NSD1: variants seen among roughly 807,000 people sequenced by gnomAD.
NSD1 encodes nuclear receptor binding SET domain protein 1.
NSD1 carries 26 observed loss-of-function variants against 242.7 expected under a neutral mutation model. The observed-to-expected ratio is 0.11, with a 90% CI of 0.08 to 0.15. The LOEUF (loss-of-function observed/expected upper bound fraction) is 0.15. Among genes scored for constraint, NSD1 ranks in the 10% least tolerant of loss-of-function variants. The probability of loss-of-function intolerance (pLI) is 1.00; values close to 1 mark genes in which losing one functional copy is unlikely to be tolerated. For synonymous variants in NSD1, 1,106 were observed against 1,178.1 expected (o/e 0.94, Z 1.25); for missense variants, 2,495 against 3,272.8 (o/e 0.76, Z 5.80).
chr5:177,181,339 C>T (rs1760652587), intron 2 of NSD1, among the ~76,000 whole-genome samples: 1 of 150,992 alleles, frequency 6.6e-6, no homozygotes, highest in Non-Finnish European at 1.5e-5. Flanking sequence ...AAAATACTAT[C>T]AAATGGCATT....
chr5:177,265,572 A>C, intron 14 of NSD1: 1 of 1,184,738 alleles, frequency 8.4e-7, no homozygotes, highest in Non-Finnish European at 1.3e-6. Context: ...GCCGGGCCTC[A>C]GCACATCCTG....
rs551095359 is a variant in NSD1 at position 177,289,988 on chromosome 5, C to T, written c.6258+1063C>T. On this transcript the variant is annotated intron_variant, in intron 21 of 22. Transcript: ENST00000439151. ...AACTACAGGCGCCCGCCACCATGCC[C>T]GGCTAATTTTTTATATTTTTAGTAG... 6.6e-5 allele frequency among the ~76,000 whole-genome samples: 10 copies of T among 151,530 alleles called. 1 individual carries two copies. Among genetic ancestry groups the T allele is most frequent in the African/African-American group, 1.7e-4 (7 of 41,284 alleles).
chr5:177,138,987 C>T (rs1193761669), intron 2 of NSD1, among the ~76,000 whole-genome samples: 80 of 149,934 alleles, frequency 5.3e-4, no homozygotes, highest in African/African-American at 1.9e-3. Flanking sequence ...TGGTGGCTCA[C>T]GCCTGTAATC....
At chr5:177,185,612 A>G (rs375270644) in intron 2 of NSD1, among the ~76,000 whole-genome samples, 5 of 140,824 alleles carry the variant, frequency 3.6e-5, no homozygotes, top group African/African-American at 1.3e-4. Context: ...AACAAAACCA[A>G]ATATATATTT....
chr5:177,157,933 A>G (rs981354968), intron 2 of NSD1, among the ~76,000 whole-genome samples: 1 of 152,204 alleles, frequency 6.6e-6, no homozygotes, highest in African/African-American at 2.4e-5. Flanking sequence ...GTATGTATGC[A>G]TACTTCATTC....
chr5:177,219,787 C>T (rs1321480626), intron 5 of NSD1, among the ~76,000 whole-genome samples: 1 of 152,080 alleles, frequency 6.6e-6, no homozygotes, highest in East Asian at 1.9e-4. Context: ...CATGGCAAAA[C>T]CCCATCTCCA....
Position 177,211,603 on chromosome 5 carries a change from G to T in NSD1, c.3204G>T (p.Leu1068=), listed in dbSNP as rs1429709372. 1.9e-6 allele frequency: 3 copies of T among 1,614,120 alleles called. No homozygotes were observed. The highest frequency in any genetic ancestry group is 8.5e-7 in the Non-Finnish European group (1 of 1,180,020). Residue 1068 remains leucine, a synonymous_variant, in exon 5 of 23, where the codon CTG becomes CTT. Transcript: ENST00000439151. The part of the protein sequence containing the change: ...QLPSVTLDAV[L]QGDRERGGSL... Reference sequence around the variant, plus strand: ...CAAGTGTGACTCTTGATGCTGTACTGCAGGGAGACCGAGAACGTGGAGGTT... The same window carrying T: ...CAAGTGTGACTCTTGATGCTGTACTTCAGGGAGACCGAGAACGTGGAGGTT...
At chr5:177,278,613 A>G (rs1384534308) in intron 17 of NSD1, among the ~76,000 whole-genome samples, 1 of 152,228 alleles carries the variant, frequency 6.6e-6, no homozygotes, top group Non-Finnish European at 1.5e-5. Flanking sequence ...TATGAGAGAA[A>G]CAATCATAAG....
chr5:177,198,609 C>T (rs1762278829), intron 3 of NSD1, among the ~76,000 whole-genome samples: 1 of 152,044 alleles, frequency 6.6e-6, no homozygotes, highest in Admixed American at 6.6e-5. Flanking sequence ...ACTCCAAAGG[C>T]CTCACCTGTA....
rs760180574 is a variant in NSD1, at chr5:177,260,072, T to A, written c.5050T>A (p.Ser1684Thr). 1 of 1,614,186 alleles carries A rather than the reference T, an allele frequency of 6.2e-7. No individual in the cohort carries two copies. The highest frequency in any genetic ancestry group is 1.7e-5 in the Admixed American group (1 of 60,014). Residue 1684 changes from serine (S) to threonine (T), a missense_variant, in exon 14 of 23, where the codon TCT (serine) becomes ACT (threonine). Ser to Thr is a moderately conservative substitution (Grantham distance 58). This residue lies in a region of NSD1 where 31 missense variants were observed against 120.2 expected (regional missense o/e 0.26). Transcript: ENST00000439151. ...CLAAGSKILA[S>T]NSIICPNHFT... Reference sequence around the variant, plus strand: ...GGCTGCTGGGTCAAAGATCCTTGCATCTAATAGTATCATCTGCCCTAATCA... The same window carrying A: ...GGCTGCTGGGTCAAAGATCCTTGCAACTAATAGTATCATCTGCCCTAATCA...
At position 177,294,953 on chromosome 5, in the gene NSD1, G is replaced by A; in HGVS notation, c.7585G>A (p.Ala2529Thr). The A allele has an allele frequency of 6.2e-7, 1 of 1,614,224 alleles. No homozygotes were observed. The highest frequency in any genetic ancestry group is 8.5e-7 in the Non-Finnish European group (1 of 1,180,040). Reference protein sequence around the residue: ...AAAPSEDPWQAVKSLTQARLL... With the variant: ...AAAPSEDPWQTVKSLTQARLL... The stretch of plus-strand genomic sequence containing the variant: ...AGCCCCTTCAGAGGACCCCTGGCAA[G>A]CTGTTAAATCACTCACCCAGGCCAG... The change falls in exon 23 of 23, where the codon GCT becomes ACT. Residue 2529 changes from alanine to threonine, a missense_variant. Ala to Thr is a moderately conservative substitution (Grantham distance 58). Coordinates refer to ENST00000439151, the MANE Select transcript of NSD1 (RefSeq NM_022455.5).
intron 2 of NSD1, among the ~76,000 whole-genome samples, chr5:177,158,957 T>TATATACACACAC (rs1194653556): frequency 1.4e-5 from 2 of 143,526 alleles, no homozygotes; most frequent in Non-Finnish European, 1.5e-5. Flanking sequence ...CACACATATA[T>TATATACACACAC]ATATACACAC....
At chr5:177,148,199 C>T (rs1163237411) in intron 2 of NSD1, among the ~76,000 whole-genome samples, 1 of 151,938 alleles carries the variant, frequency 6.6e-6, no homozygotes, top group Non-Finnish European at 1.5e-5. Flanking sequence ...CTCGCTGCAA[C>T]CTCTGCCTCC....
intron 2 of NSD1, among the ~76,000 whole-genome samples, chr5:177,180,443 C>G (rs963462843): frequency 2.2e-4 from 33 of 152,022 alleles, no homozygotes; most frequent in African/African-American, 8.0e-4. Context: ...CTTGGTATCT[C>G]GAGGGTCTTG....
chr5:177,194,899 C>T (rs1178025009), intron 3 of NSD1, among the ~76,000 whole-genome samples: 1 of 151,772 alleles, frequency 6.6e-6, no homozygotes, highest in African/African-American at 2.4e-5. Flanking sequence ...TGGCTCACAC[C>T]TGTAATTCCA....
intron 18 of NSD1, among the ~76,000 whole-genome samples, chr5:177,281,845 G>A (rs1758918290): frequency 1.3e-5 from 2 of 152,108 alleles, no homozygotes; most frequent in African/African-American, 2.4e-5. Flanking sequence ...TGGAGGTGAG[G>A]TCTAACCATG....
chr5:177,294,447 G>C lies in NSD1; in HGVS notation c.7079G>C (p.Arg2360Thr), dbSNP rs1445043454. Residue 2360 changes from arginine (R) to threonine (T), a missense_variant, in exon 23 of 23, where the codon AGG (arginine) becomes ACG (threonine). Arg to Thr is a moderately conservative substitution (Grantham distance 71, BLOSUM62 -1). Around this residue, in one of 19 missense-constraint regions of NSD1, gnomAD observed 475 missense variants for 563.7 expected, o/e 0.84. Coordinates refer to ENST00000439151, the MANE Select transcript of NSD1 (RefSeq NM_022455.5). ...AGACCTCTGGGGACGGCTGACCCAA[G>C]GCTGGATAAATCCATAGGTGCTGCC... ...LERPLGTADP[R>T]LDKSIGAASP... 1 of 1,614,082 alleles carries C rather than the reference G, an allele frequency of 6.2e-7. No homozygotes were observed. Among genetic ancestry groups the C allele is most frequent in the Non-Finnish European group, 8.5e-7 (1 of 1,180,042 alleles).
At chr5:177,263,636 G>A (rs1349314182) in intron 14 of NSD1, among the ~76,000 whole-genome samples, 2 of 152,176 alleles carry the variant, frequency 1.3e-5, no homozygotes, top group Non-Finnish European at 2.9e-5. Context: ...ACGTAAAGCA[G>A]TTTCTTTGCA....
intron 2 of NSD1, among the ~76,000 whole-genome samples, chr5:177,153,208 GT>G (rs575455880): frequency 0.059 from 7,961 of 135,738 alleles, 228 homozygotes; most frequent in Non-Finnish European, 0.072. Flanking sequence ...TTCTTTTTCT[GT>G]TTTTTTTTTT....
Sources: gnomAD v4.1 joint callset for allele counts (sites outside exome capture counted in the v4.1 genomes callset) on GRCh38, gnomAD v4.1.1 for gene constraint, gnomAD v4.1.1 regional missense constraint, MANE v1.5 for transcripts, NCBI Gene and HGNC (gene_info 2026-07-23, HGNC 2026-07-21) for gene names.